The following CSMD1 variants were observed in gnomAD, a reference collection of about 807,000 sequenced individuals.
CSMD1 encodes CUB and Sushi multiple domains 1.
In CSMD1, 213 loss-of-function variants were observed where a neutral mutation model predicts 417.5. The observed-to-expected ratio is 0.51, with a 90% CI of 0.46 to 0.57. The LOEUF (loss-of-function observed/expected upper bound fraction) is 0.57. Ranked by LOEUF, CSMD1 falls within the 20% of genes least tolerant of loss-of-function variation. CSMD1 has a pLI of 0.00. For missense variants in CSMD1, 6,923 were observed against 4,529.7 expected (o/e 1.53, Z -15.17); for synonymous variants, 2,862 against 1,736.8 (o/e 1.65, Z -16.11).
chr8:4,012,193 G>C (rs978625960), intron 4 of CSMD1, among the ~76,000 whole-genome samples: 1 of 152,040 alleles, frequency 6.6e-6, no homozygotes, highest in Non-Finnish European at 1.5e-5. Flanking sequence ...AGGGCTGACT[G>C]TATATGATTC....
intron 1 of CSMD1, among the ~76,000 whole-genome samples, chr8:4,871,995 A>G (rs1333947106): frequency 6.6e-6 from 1 of 152,146 alleles, no homozygotes; most frequent in African/African-American, 2.4e-5. Context: ...CATTTTGCAG[A>G]AACACATCGT....
intron 1 of CSMD1, among the ~76,000 whole-genome samples, chr8:4,743,457 G>A (rs1238913931): frequency 2.6e-5 from 4 of 152,180 alleles, no homozygotes; most frequent in Admixed American, 6.5e-5. Flanking sequence ...AGAGTAGAGC[G>A]CTTCTCACGG....
At chr8:3,080,113 C>T (rs1302669124) in intron 49 of CSMD1, among the ~76,000 whole-genome samples, 1 of 152,152 alleles carries the variant, frequency 6.6e-6, no homozygotes, top group Non-Finnish European at 1.5e-5. Context: ...AAGCAAAAGC[C>T]ACAGCTGATA....
intron 5 of CSMD1, among the ~76,000 whole-genome samples, chr8:3,853,750 A>C (rs1463152199): frequency 6.6e-6 from 1 of 151,804 alleles, no homozygotes; most frequent in Non-Finnish European, 1.5e-5. Context: ...GGACAGCATT[A>C]GGAGATATAC....
intron 1 of CSMD1, among the ~76,000 whole-genome samples, chr8:4,793,233 G>T (rs1797789235): frequency 6.6e-6 from 1 of 152,092 alleles, no homozygotes; most frequent in Non-Finnish European, 1.5e-5. Context: ...TCATGAGTTA[G>T]TTTTCCTTCA....
chr8:2,979,888 A>T (rs1409245398), intron 54 of CSMD1, among the ~76,000 whole-genome samples: 1 of 152,252 alleles, frequency 6.6e-6, no homozygotes, highest in African/African-American at 2.4e-5. Context: ...AGGCATGTAC[A>T]TGCCCCTACA....
intron 1 of CSMD1, among the ~76,000 whole-genome samples, chr8:4,733,561 G>C (rs1810036624): frequency 6.6e-6 from 1 of 152,202 alleles, no homozygotes; most frequent in Non-Finnish European, 1.5e-5. Context: ...AACTGACAAA[G>C]CTATGTGGTG....
At chr8:4,000,563 C>T (rs1277231016) in intron 4 of CSMD1, among the ~76,000 whole-genome samples, 1 of 152,194 alleles carries the variant, frequency 6.6e-6, no homozygotes, top group Non-Finnish European at 1.5e-5. Flanking sequence ...AAAAGTGACT[C>T]ATACTCTACG....
chr8:4,435,218 C>A (rs1044445925), intron 2 of CSMD1, among the ~76,000 whole-genome samples: 1 of 152,134 alleles, frequency 6.6e-6, no homozygotes, highest in African/African-American at 2.4e-5. Flanking sequence ...CCAATCTGAT[C>A]TTTGGAAAAT....
chr8:4,807,823 T>G lies in CSMD1; in HGVS notation c.86-170265A>C, dbSNP rs544577525. Reference sequence around the variant, plus strand: ...GATCCATAGAAGCCAGCCATAATATTAATAATAATAGCAAGCTATGTTATT... The same window carrying G: ...GATCCATAGAAGCCAGCCATAATATGAATAATAATAGCAAGCTATGTTATT... On this transcript the variant is annotated intron_variant, in intron 1 of 69. Coordinates refer to ENST00000635120, the MANE Select transcript of CSMD1 (RefSeq NM_033225.6). Among the ~76,000 whole-genome samples, 17 of 152,244 alleles carry G rather than the reference T, an allele frequency of 1.1e-4. No individual in the cohort carries two copies. The South Asian group carries it at 3.1e-3, about 28-fold the overall frequency.
chr8:3,696,021 A>G (rs550131164), intron 7 of CSMD1, among the ~76,000 whole-genome samples: 1 of 152,306 alleles, frequency 6.6e-6, no homozygotes, highest in Admixed American at 6.5e-5. Context: ...AAGACCTACC[A>G]TTTGTATATT....
intron 3 of CSMD1, among the ~76,000 whole-genome samples, chr8:4,193,236 A>C (rs761294748): frequency 1.3e-5 from 2 of 152,188 alleles, no homozygotes; most frequent in Non-Finnish European, 2.9e-5. Flanking sequence ...ACAAACGTAA[A>C]ACCTTAACGA....
intron 3 of CSMD1, among the ~76,000 whole-genome samples, chr8:4,101,110 C>A (rs767213528): frequency 2.0e-5 from 3 of 152,142 alleles, no homozygotes; most frequent in South Asian, 4.1e-4. Context: ...GGTTAACCAG[C>A]GAATAGTCTT....
intron 10 of CSMD1, among the ~76,000 whole-genome samples, chr8:3,530,123 A>T (rs1431971837): frequency 6.6e-6 from 1 of 152,150 alleles, no homozygotes; most frequent in Non-Finnish European, 1.5e-5. Flanking sequence ...TTCAAAAAGC[A>T]ACTTGGTTTA....
chr8:3,950,971 A>G (rs757328826), intron 5 of CSMD1, among the ~76,000 whole-genome samples: 3 of 152,238 alleles, frequency 2.0e-5, no homozygotes, highest in Non-Finnish European at 4.4e-5. Context: ...TTTTCATCAC[A>G]TAACAGTTAC....
At chr8:3,737,034 G>C (rs537746754) in intron 6 of CSMD1, among the ~76,000 whole-genome samples, 1 of 152,102 alleles carries the variant, frequency 6.6e-6, no homozygotes, top group Non-Finnish European at 1.5e-5. Flanking sequence ...ACATGATTAC[G>C]TCCAATTATA....
intron 2 of CSMD1, among the ~76,000 whole-genome samples, chr8:4,612,588 C>T (rs930875418): frequency 6.6e-6 from 1 of 152,108 alleles, no homozygotes; most frequent in Non-Finnish European, 1.5e-5. Context: ...TGTGCCTGGA[C>T]CTGAGCCATG....
At chr8:4,610,266 G>C (rs2617104) in intron 2 of CSMD1, among the ~76,000 whole-genome samples, 67,800 of 152,046 alleles carry the variant, frequency 0.45, 15,825 homozygotes, top group African/African-American at 0.59. Context: ...TGGGAAGTTC[G>C]TGAAACTGAC....
intron 3 of CSMD1, among the ~76,000 whole-genome samples, chr8:4,155,880 C>G (rs898504843): frequency 6.6e-6 from 1 of 152,126 alleles, no homozygotes; most frequent in Non-Finnish European, 1.5e-5. Flanking sequence ...CATCCTATAG[C>G]CCTCTCTGTT....
Sources: gnomAD v4.1 joint callset for allele counts (sites outside exome capture counted in the v4.1 genomes callset) on GRCh38, gnomAD v4.1.1 for gene constraint, MANE v1.5 for transcripts, NCBI Gene and HGNC (gene_info 2026-07-23, HGNC 2026-07-21) for gene names.